Variants in TEX11 observed in about 807,000 individuals in gnomAD.
TEX11 encodes the protein testis expressed 11, also known as testis-expressed protein 11.
TEX11 carries 7 observed loss-of-function variants against 84.4 expected under a neutral mutation model. The observed-to-expected ratio is 0.08, with a 90% CI of 0.05 to 0.16. The LOEUF is 0.16. Among genes scored for constraint, TEX11 ranks in the 10% least tolerant of loss-of-function variants. The pLI is 1.00. For synonymous variants in TEX11, 264 were observed against 222.8 expected (o/e 1.18, Z -1.64); for missense variants, 551 against 660.5 (o/e 0.83, Z 1.82).
chrX:70,514,928 C>T, the TEX11 span, among the ~76,000 whole-genome samples: 2 of 109,481 alleles, frequency 1.8e-5, no homozygotes, highest in East Asian at 2.9e-4. Flanking sequence ...ATTAGCTGGG[C>T]GTGGTGGGAC....
chrX:70,673,968 G>A (rs903030645), intron 15 of TEX11, among the ~76,000 whole-genome samples: 1 of 109,654 alleles, frequency 9.1e-6, no homozygotes, highest in Admixed American at 9.7e-5. Context: ...CATGTCACAG[G>A]GGTTTGTTGT....
At chrX:70,753,013 A>C (rs1444370939) in intron 9 of TEX11, among the ~76,000 whole-genome samples, 1 of 110,436 alleles carries the variant, frequency 9.1e-6, no homozygotes, top group African/African-American at 3.3e-5. Flanking sequence ...TGTTTAAACC[A>C]GCCCGAGTCA....
chrX:70,511,492 T>C, the TEX11 span, among the ~76,000 whole-genome samples: 21 of 110,894 alleles, frequency 1.9e-4, no homozygotes, highest in Admixed American at 1.5e-3. Context: ...CAGTGGCTTA[T>C]GCCTGTAATC....
intron 13 of TEX11, among the ~76,000 whole-genome samples, chrX:70,704,729 T>C (rs866033743): frequency 2.5e-4 from 28 of 111,408 alleles, no homozygotes; most frequent in African/African-American, 8.1e-4. Flanking sequence ...CCATCACTTC[T>C]TTCCATTTCC....
At chrX:70,803,912 A>T (rs2091203240) in intron 9 of TEX11, among the ~76,000 whole-genome samples, 1 of 112,118 alleles carries the variant, frequency 8.9e-6, no homozygotes, top group South Asian at 3.7e-4. Flanking sequence ...TGGGAAGCTG[A>T]CGTGGGAGGA....
At chrX:70,707,850 T>A (rs1420159422) in intron 13 of TEX11, among the ~76,000 whole-genome samples, 1 of 110,574 alleles carries the variant, frequency 9.0e-6, no homozygotes, top group African/African-American at 3.3e-5. Context: ...GAAACACCCT[T>A]CTTGACATTA....
At chrX:70,824,419 C>T (rs753969878) in intron 8 of TEX11, among the ~76,000 whole-genome samples, 1 of 111,892 alleles carries the variant, frequency 8.9e-6, no homozygotes, top group South Asian at 3.8e-4. Context: ...TAGGCAATCC[C>T]ATGGTGGCAA....
chrX:70,732,730 G>T (rs2090663989), intron 11 of TEX11, among the ~76,000 whole-genome samples: 1 of 110,875 alleles, frequency 9.0e-6, no homozygotes, highest in Admixed American at 9.6e-5. Context: ...TACTGCTCAA[G>T]GTAATTTATA....
At chrX:70,810,417 G>C (rs1461619101) in intron 8 of TEX11, among the ~76,000 whole-genome samples, 1 of 111,979 alleles carries the variant, frequency 8.9e-6, no homozygotes, top group African/African-American at 3.2e-5. Context: ...TGATAGACTG[G>C]ATAAAGAAAA....
chrX:70,591,792 A>G lies in TEX11; in HGVS notation c.2099T>C (p.Ile700Thr), dbSNP rs1412151866. ...ATTATGGATGTCATTGCATGTCTGG[A>G]TCTCCTCAAGTGCACGACTCAGGAA... The part of the protein sequence containing the change: ...TMFLSRALEE[I>T]QTCNDIHNFL... The change falls in exon 25 of 30, where the codon ATC becomes ACC. Residue 700 changes from isoleucine to threonine, a missense_variant. Transcript: ENST00000374333. 8.3e-7 allele frequency: 1 copy of G among 1,210,218 alleles called. No homozygotes were observed. Among genetic ancestry groups the G allele is most frequent in the African/African-American group, 1.7e-5 (1 of 57,734 alleles).
intron 9 of TEX11, among the ~76,000 whole-genome samples, chrX:70,761,462 G>C (rs1304509074): frequency 1.8e-5 from 2 of 111,779 alleles, no homozygotes; most frequent in African/African-American, 6.5e-5. Flanking sequence ...CCTTTGTAGG[G>C]ACATGGATGA....
At chrX:70,884,376 C>T (rs2091697649) in intron 2 of TEX11, among the ~76,000 whole-genome samples, 1 of 111,650 alleles carries the variant, frequency 9.0e-6, no homozygotes, top group Non-Finnish European at 1.9e-5. Context: ...AGCTAGGACA[C>T]TCAGACAACT....
At chrX:70,700,263 G>T (rs575844910) in intron 13 of TEX11, among the ~76,000 whole-genome samples, 1 of 110,951 alleles carries the variant, frequency 9.0e-6, no homozygotes, top group East Asian at 2.8e-4. Context: ...CTATAAGCAC[G>T]TGCCACCAGA....
chrX:70,613,886 A>T (rs1027942725), intron 20 of TEX11, among the ~76,000 whole-genome samples: 1 of 111,353 alleles, frequency 9.0e-6, no homozygotes, highest in Admixed American at 9.5e-5. Flanking sequence ...CAGAGGCATG[A>T]GACCCCCATT....
chrX:70,610,158 G>A (rs1194543499), intron 21 of TEX11, among the ~76,000 whole-genome samples: 1 of 89,026 alleles, frequency 1.1e-5, no homozygotes, highest in Non-Finnish European at 2.2e-5. Context: ...GAGAAGGAAA[G>A]GAAAGGAGGG....
chrX:70,552,269 T>A, intron 27 of TEX11, 23 bp from the exon 28 acceptor site: 1 of 1,199,745 alleles, frequency 8.3e-7, no homozygotes, highest in Non-Finnish European at 1.1e-6. Context: ...AAGAGAAAAC[T>A]CATCCCATAA....
chrX:70,605,366 G>GTT (rs2089184375), intron 24 of TEX11, 35 bp downstream of exon 24: 2 of 974,974 alleles, frequency 2.1e-6, no homozygotes, highest in African/African-American at 3.8e-5. Context: ...ATAGCACACT[G>GTT]AACTCTTGTC....
chrX:70,517,116 T>C, the TEX11 span, among the ~76,000 whole-genome samples: 48 of 111,516 alleles, frequency 4.3e-4, no homozygotes, highest in African/African-American at 1.5e-3. Context: ...CCTTTATTTC[T>C]TTCTCTTCCC....
At chrX:70,574,841 C>A (rs745782126) in intron 25 of TEX11, among the ~76,000 whole-genome samples, 7 of 111,018 alleles carry the variant, frequency 6.3e-5, no homozygotes, top group African/African-American at 2.3e-4. Context: ...GGGGGTAAAA[C>A]TTGAGCAAGT....
Sources: gnomAD v4.1 joint callset for allele counts (sites outside exome capture counted in the v4.1 genomes callset) on GRCh38, gnomAD v4.1.1 for gene constraint, MANE v1.5 for transcripts, NCBI Gene and HGNC (gene_info 2026-07-23, HGNC 2026-07-21) for gene names.